KDM2B: variants seen among roughly 807,000 people sequenced by gnomAD.
The protein encoded by KDM2B is lysine-specific demethylase 2B.
Under a neutral mutation model 150.0 loss-of-function variants are expected in KDM2B, and 26 were observed. That is an observed-to-expected ratio of 0.17 (90% CI 0.13 to 0.24). The LOEUF (loss-of-function observed/expected upper bound fraction) is 0.24, where lower values mean the gene tolerates loss of function less well. KDM2B is among the 10% of genes least tolerant of loss of function. The pLI is 1.00. For synonymous variants in KDM2B, 734 were observed against 729.5 expected, an observed-to-expected ratio of 1.01 and a Z score of -0.10; for missense variants, 1,265 against 1,816.9, an observed-to-expected ratio of 0.70 and a Z score of 5.52.
chr12:121,419,291 A>G, the KDM2B span, among the ~76,000 whole-genome samples: 1 of 152,218 alleles, frequency 6.6e-6, no homozygotes, highest in Non-Finnish European at 1.5e-5. Flanking sequence ...CTAGGTGTGT[A>G]GCAGGCTGTG....
chr12:121,417,384 C>T, the KDM2B span: 2 of 755,184 alleles, frequency 2.6e-6, no homozygotes, highest in Non-Finnish European at 4.2e-6. The surrounding 1 kb of genome is among the most constrained non-coding windows in gnomAD (Gnocchi z 5.0). Flanking sequence ...TGGAAATAGT[C>T]TGGTGCCACT....
At chr12:121,419,199 A>G in the KDM2B span, among the ~76,000 whole-genome samples, 31 of 152,342 alleles carry the variant, frequency 2.0e-4, no homozygotes, top group African/African-American at 7.5e-4. Flanking sequence ...ATACACAAAT[A>G]CTTATTACTG....
chr12:121,547,543 T>C (rs782682679), intron 6 of KDM2B, among the ~76,000 whole-genome samples: 1 of 151,964 alleles, frequency 6.6e-6, no homozygotes, highest in Non-Finnish European at 1.5e-5. Flanking sequence ...GCAGCAGGGC[T>C]GAGCAGACAG....
rs1319478831 is a variant in KDM2B at position 121,520,837 on chromosome 12, C to A, written c.1047+148G>T. 4 of 528,064 alleles carry A rather than the reference C, an allele frequency of 7.6e-6. No homozygotes were observed. The highest frequency in any genetic ancestry group is 5.9e-5 in the Admixed American group (2 of 34,044). The allele number at this position is 528,064 out of a possible 1,614,324, so 32.7% of individuals were successfully genotyped here. A position where few individuals can be genotyped will look rare whatever the true frequency, so the allele number is the denominator to read the frequency against. Reference sequence around the variant, plus strand: ...TTCCCCTGCCCCCCCTCCCCCGCCACAGAACCAGGACTGAAGCCAGCTTGA... The same window carrying A: ...TTCCCCTGCCCCCCCTCCCCCGCCAAAGAACCAGGACTGAAGCCAGCTTGA... On this transcript the variant is annotated intron_variant, in intron 9 of 22. Transcript: ENST00000377071. The surrounding 1 kb of genome is among the most constrained non-coding windows in gnomAD (Gnocchi z 4.5).
chr12:121,580,705 ACCC>A, intron 1 of KDM2B, 78 bp downstream of exon 1: 1 of 987,850 alleles, frequency 1.0e-6, no homozygotes, highest in South Asian at 1.6e-5. Context: ...CCCAAAAACG[ACCC>A]CCCACCTCCG....
Position 121,542,103 on chromosome 12 carries a change from CA to C in KDM2B, c.683+6773del, listed in dbSNP as rs1888653861. Among the ~76,000 whole-genome samples the C allele has an allele frequency of 2.0e-5, 3 of 152,290 alleles. No individual in the cohort carries two copies. The South Asian group carries it at 6.2e-4, about 32-fold the overall frequency. ...CAATATGTGACTTTCAAAATTAGGT[CA>C]TAAATGGCACTGTGGCTTCCTCCTT... On this transcript the variant is annotated intron_variant, in intron 6 of 22. Coordinates refer to ENST00000377071, the MANE Select transcript of KDM2B (RefSeq NM_032590.5).
Position 121,430,731 on chromosome 12 carries a change from C to G in KDM2B, c.3830-262G>C. 1 of 578,050 alleles carries G rather than the reference C, an allele frequency of 1.7e-6. No homozygotes were observed. Among genetic ancestry groups the G allele is most frequent in the Non-Finnish European group, 3.1e-6 (1 of 325,152 alleles). 35.8% of individuals were successfully genotyped at this position (578,050 alleles called of 1,614,324 possible). On this transcript the variant is annotated intron_variant, in intron 22 of 22. Transcript: ENST00000377071. The surrounding 1 kb of genome is among the most constrained non-coding windows in gnomAD (Gnocchi z 4.4). ...TGAAAATCACTTCTGATTTACCACA[C>G]AGCTGCCTCTATACGTGCGTATGCT...
the KDM2B span, among the ~76,000 whole-genome samples, chr12:121,410,490 T>C: frequency 8.0e-4 from 121 of 151,336 alleles, no homozygotes; most frequent in African/African-American, 2.8e-3. Context: ...TGAGCCGAGA[T>C]TGCGCCACTG....
chr12:121,483,447 C>T (rs1375348141), intron 12 of KDM2B, among the ~76,000 whole-genome samples: 5 of 151,774 alleles, frequency 3.3e-5, no homozygotes, highest in Non-Finnish European at 5.9e-5. Flanking sequence ...CTGAGGCAGG[C>T]GGATCTCTTG....
intron 4 of KDM2B, among the ~76,000 whole-genome samples, chr12:121,564,924 G>A (rs1257154058): frequency 1.3e-5 from 2 of 152,068 alleles, no homozygotes; most frequent in African/African-American, 4.8e-5. Context: ...CGCCTCTGGG[G>A]TTCAAGCAAT....
chr12:121,524,666 C>G (rs1226376578), intron 8 of KDM2B: 2 of 452,092 alleles, frequency 4.4e-6, no homozygotes, highest in African/African-American at 4.0e-5. Context: ...TTTGTGGGCC[C>G]CATCCATACC....
At chr12:121,443,938 C>T in intron 16 of KDM2B, 74 bp downstream of exon 16, 1 of 1,523,760 alleles carries the variant, frequency 6.6e-7, no homozygotes, top group South Asian at 1.2e-5. Context: ...CCACCCCCTG[C>T]CCCATCCCTC....
In KDM2B at chr12:121,560,797, G is replaced by A. The variant is rs75430638; in HGVS notation, c.398-11159C>T. 2.6e-3 allele frequency among the ~76,000 whole-genome samples: 403 copies of A among 152,244 alleles called. 2 individuals are homozygous for A. Among genetic ancestry groups the A allele is most frequent in the African/African-American group, 9.1e-3 (378 of 41,542 alleles). On this transcript the variant is annotated intron_variant, in intron 4 of 22. Transcript: ENST00000377071. ...GTCTCTAAGCAAGAGGTTTGGCACC[G>A]GGGAGGAGGCAGGTAGCCTAAAGGG...
At chr12:121,438,783 A>G (rs77079045) in intron 22 of KDM2B, among the ~76,000 whole-genome samples, 459 of 152,094 alleles carry the variant, frequency 3.0e-3, no homozygotes, top group Non-Finnish European at 4.8e-3. Context: ...TGAAAAATGT[A>G]ATTTGATGAG....
At chr12:121,535,225 C>CCA (rs1887991735) in intron 6 of KDM2B, among the ~76,000 whole-genome samples, 1 of 151,108 alleles carries the variant, frequency 6.6e-6, no homozygotes, top group Non-Finnish European at 1.5e-5. Context: ...AAAAAAAAAC[C>CCA]CACACACACA....
chr12:121,459,197 A>G (rs1878744375), intron 12 of KDM2B, among the ~76,000 whole-genome samples: 1 of 152,192 alleles, frequency 6.6e-6, no homozygotes, highest in Non-Finnish European at 1.5e-5. Flanking sequence ...GATCAATGAA[A>G]CAGAATTGAG....
At chr12:121,535,429 G>A (rs1476841969) in intron 6 of KDM2B, among the ~76,000 whole-genome samples, 2 of 152,152 alleles carry the variant, frequency 1.3e-5, no homozygotes, top group African/African-American at 4.8e-5. Context: ...AATGGGGAAT[G>A]ACTGCTAATG....
chr12:121,566,259 C>T (rs893701431), intron 4 of KDM2B, among the ~76,000 whole-genome samples: 3 of 151,938 alleles, frequency 2.0e-5, no homozygotes, highest in Non-Finnish European at 2.9e-5. Context: ...GAGGCTGAGG[C>T]GGGAGGATTA....
the KDM2B span, among the ~76,000 whole-genome samples, chr12:121,418,993 C>T: frequency 2.6e-5 from 4 of 152,230 alleles, no homozygotes; most frequent in South Asian, 2.1e-4. Context: ...ATGAGCCAAC[C>T]GCGCCTGGCC....
Sources: allele counts gnomAD v4.1 joint callset (sites outside exome capture counted in the v4.1 genomes callset), GRCh38; gene constraint gnomAD v4.1.1; non-coding constraint Gnocchi (gnomAD v3.1); transcripts MANE v1.5; gene names NCBI Gene and HGNC (gene_info 2026-07-23, HGNC 2026-07-21).